SARDH: variants seen among roughly 807,000 people sequenced by gnomAD.
SARDH encodes the protein sarcosine dehydrogenase, mitochondrial.
In SARDH, 95 loss-of-function variants were observed where a neutral mutation model predicts 109.1. The ratio of observed to expected loss-of-function variants is 0.87; its 90% confidence interval spans 0.74 to 1.03. The LOEUF is 1.03. Among genes scored for constraint, SARDH ranks in the 50% least tolerant of loss-of-function variants. The pLI is 0.00. For synonymous variants in SARDH, 572 were observed against 534.8 expected (o/e 1.07, Z -0.96); for missense variants, 1,267 against 1,287.8 (o/e 0.98, Z 0.25).
At position 133,686,456 on chromosome 9, in the gene SARDH, G is replaced by A. The variant is rs1194385354; in HGVS notation, c.2070-1170C>T. ...CCCTCCCTGACTCCCTAGGTCTTGG[G>A]CAGGTACTCGTTGTCCAAGATCCCA... On this transcript the variant is annotated intron_variant, in intron 16 of 20. Coordinates refer to ENST00000439388, the MANE Select transcript of SARDH (RefSeq NM_001134707.2). This position sits in a 1 kb window ranked among gnomAD's most constrained non-coding sequence, Gnocchi z 4.0. Among the ~76,000 whole-genome samples, 1 of 152,026 alleles carries A rather than the reference G, an allele frequency of 6.6e-6. No individual in the cohort carries two copies. The highest frequency in any genetic ancestry group is 1.5e-5 in the Non-Finnish European group (1 of 67,986).
At chr9:133,668,047 C>T (rs1226653266) in intron 19 of SARDH, among the ~76,000 whole-genome samples, 9 of 151,958 alleles carry the variant, frequency 5.9e-5, no homozygotes, top group African/African-American at 1.5e-4. Flanking sequence ...AGGGGCCGTC[C>T]GAGGCCCTCC....
At position 133,730,174 on chromosome 9, in the gene SARDH, C is replaced by A. The variant is rs929532220; in HGVS notation, c.704G>T (p.Cys235Phe). The A allele has an allele frequency of 6.2e-7, 1 of 1,614,038 alleles. No individual in the cohort carries two copies. The highest frequency in any genetic ancestry group is 1.3e-5 in the African/African-American group (1 of 74,930). Residue 235 changes from cysteine to phenylalanine, a missense_variant, in exon 5 of 21, where the codon TGC becomes TTC. By Grantham distance (205) the Cys-to-Phe change is radical. Transcript: ENST00000439388. ...CCACACACGAATGCCGGTCACTGGG[C>A]AGTTCTCAATGACCTGGAATTGAGA... ...SARGAQVIEN[C>F]PVTGIRVWTD...
rs541431333 is a variant in SARDH, at chr9:133,693,368, C to A, written c.1921+890G>T. Among the ~76,000 whole-genome samples, 44 of 152,164 alleles carry A rather than the reference C, an allele frequency of 2.9e-4. No homozygotes were observed. The highest frequency in any genetic ancestry group is 5.4e-4 in the Non-Finnish European group (37 of 68,034). On this transcript the variant is annotated intron_variant, in intron 15 of 20. Transcript: ENST00000439388. The surrounding 1 kb of genome is among the most constrained non-coding windows in gnomAD (Gnocchi z 5.6). ...TGCCCAAGCTGGGGCTCGACACTGA[C>A]CGAGTCCCAGTGAGGAAACAACTAC... is the stretch of plus-strand genomic sequence containing the variant.
In SARDH at chr9:133,712,658, T is replaced by G. The variant is rs947096497; in HGVS notation, c.1289A>C (p.His430Pro). The G allele has an allele frequency of 6.2e-7, 1 of 1,610,480 alleles. No individual in the cohort carries two copies. Among genetic ancestry groups the G allele is most frequent in the Non-Finnish European group, 8.5e-7 (1 of 1,179,952 alleles). Residue 430 changes from histidine (H) to proline (P), a missense_variant, in exon 10 of 21, where the codon CAT (histidine) becomes CCT (proline). Transcript: ENST00000439388. This position sits in a 1 kb window ranked among gnomAD's most constrained non-coding sequence, Gnocchi z 4.1. ...CGQELAHWII[H>P]GRPEKDMHGY... is the part of the protein sequence containing the mutation. ...ATGCATGTCCTTCTCCGGGCGCCCATGGATGATCCAGTGGGCCAGCTCCTG... is the reference window on the plus strand; with the variant it reads ...ATGCATGTCCTTCTCCGGGCGCCCAGGGATGATCCAGTGGGCCAGCTCCTG...
Position 133,731,347 on chromosome 9 carries a change from G to A in SARDH, c.648C>T (p.Thr216=). The A allele has an allele frequency of 1.2e-6, 2 of 1,614,210 alleles. No homozygotes were observed. The highest frequency in any genetic ancestry group is 1.7e-6 in the Non-Finnish European group (2 of 1,180,032). Residue 216 remains threonine (T), a synonymous_variant, in exon 4 of 21, where the codon ACC becomes ACT. Transcript: ENST00000439388. ...AAGCTGCCCTGGCGAGGGTGGTACA[G>A]GTGCCAGCGGGGTCCATGGTACCGT... ...PHDGTMDPAG[T]CTTLARAASA... is the part of the protein sequence containing the mutation.
intron 4 of SARDH, 111 bp from the exon 5 acceptor site, chr9:133,730,298 G>A (rs1832632472): frequency 7.1e-6 from 10 of 1,409,236 alleles, no homozygotes; most frequent in Non-Finnish European, 9.6e-6. Context: ...CACTATTTCT[G>A]CCAGCAGCAG....
At chr9:133,734,412 T>TCATTCATTCAC (rs1832806615) in intron 1 of SARDH, among the ~76,000 whole-genome samples, 2 of 127,324 alleles carry the variant, frequency 1.6e-5, no homozygotes, top group Non-Finnish European at 3.1e-5. Flanking sequence ...CATTCACTCA[T>TCATTCATTCAC]TCATTCATTC....
At chr9:133,697,926 C>T (rs1831340719) in intron 13 of SARDH, among the ~76,000 whole-genome samples, 1 of 147,990 alleles carries the variant, frequency 6.8e-6, no homozygotes. Flanking sequence ...AAATAAAAGG[C>T]ATCCAGATCA....
intron 17 of SARDH, among the ~76,000 whole-genome samples, chr9:133,682,676 C>T (rs537299570): frequency 4.6e-4 from 65 of 142,170 alleles, no homozygotes; most frequent in African/African-American, 1.7e-3. Flanking sequence ...CTGCTAGAAG[C>T]GAGGTCTGCA....
chr9:133,691,511 G>A (rs928119432), intron 15 of SARDH, among the ~76,000 whole-genome samples: 2 of 152,108 alleles, frequency 1.3e-5, no homozygotes, highest in African/African-American at 2.4e-5. Context: ...CAGTGGGTGT[G>A]GGGGGAGCTG....
rs150731196 is a variant in SARDH, at chr9:133,663,931, C to T, written c.2715G>A (p.Ser905=). 4.4e-5 allele frequency: 71 copies of T among 1,614,126 alleles called. No homozygotes were observed. The highest frequency in any genetic ancestry group is 3.3e-4 in the Middle Eastern group (2 of 6,062). Residue 905 remains serine (S), a synonymous_variant, in exon 21 of 21, where the codon TCG becomes TCA. Coordinates refer to ENST00000439388, the MANE Select transcript of SARDH (RefSeq NM_001134707.2). The part of the protein sequence containing the change: ...VTYGAQAHLK[S]PFDPNNKRVK... ...CCCTCTTGTTGTTGGGGTCGAAGGG[C>T]GACTTCAGGTGAGCCTGGGCACCAT...
intron 17 of SARDH, among the ~76,000 whole-genome samples, chr9:133,673,814 G>T (rs1830429853): frequency 1.3e-5 from 2 of 152,168 alleles, no homozygotes; most frequent in Admixed American, 6.5e-5. Flanking sequence ...GTGCACCTAT[G>T]CACGGCCCTC....
chr9:133,697,132 A>G (rs1238128387), intron 13 of SARDH, among the ~76,000 whole-genome samples: 1 of 152,214 alleles, frequency 6.6e-6, no homozygotes, highest in Non-Finnish European at 1.5e-5. Flanking sequence ...TGCCTACCCC[A>G]CAGAAATAAA....
In SARDH at chr9:133,676,396, A is replaced by C. The variant is rs151011902; in HGVS notation, c.2164-4699T>G. On this transcript the variant is annotated intron_variant, in intron 17 of 20. Transcript: ENST00000439388. ...ATTGCCTCAATGGGGACAGAGCTTC[A>C]GTTTCACAAAATGAAGACATTCTGG... 1.6e-3 allele frequency among the ~76,000 whole-genome samples: 238 copies of C among 152,328 alleles called. 1 individual carries two copies. The highest frequency in any genetic ancestry group is 5.4e-3 in the African/African-American group (225 of 41,568).
chr9:133,705,047 G>A lies in SARDH; in HGVS notation c.1471-16C>T, dbSNP rs1306170653. 1.1e-5 allele frequency: 17 copies of A among 1,579,366 alleles called. No homozygotes were observed. The highest frequency in any genetic ancestry group is 1.5e-5 in the Non-Finnish European group (17 of 1,162,708). On this transcript the variant is annotated splice_polypyrimidine_tract_variant and intron_variant, in intron 11 of 20. Coordinates refer to ENST00000439388, the MANE Select transcript of SARDH (RefSeq NM_001134707.2). ...CAAGGAGTTCCTGAGCAGGAGTGGG[G>A]AACAGGCATCTGTCACGCATGGCCT...
intron 17 of SARDH, among the ~76,000 whole-genome samples, chr9:133,674,870 A>G (rs1194644847): frequency 6.6e-6 from 1 of 152,242 alleles, no homozygotes; most frequent in African/African-American, 2.4e-5. Context: ...CAAAAGTCAG[A>G]TGGAAGGACA....
At chr9:133,731,595 G>A in intron 3 of SARDH, 111 bp from the exon 4 acceptor site, 1 of 1,092,522 alleles carries the variant, frequency 9.2e-7, no homozygotes, top group East Asian at 2.5e-5. Context: ...TCTCCCAGAA[G>A]CCTTAGCCGG....
intron 6 of SARDH, among the ~76,000 whole-genome samples, chr9:133,720,926 C>A (rs1832302500): frequency 6.6e-6 from 1 of 152,006 alleles, no homozygotes; most frequent in Admixed American, 6.6e-5. Flanking sequence ...ATTTAAAATT[C>A]AATGGAAGGG....
intron 17 of SARDH, among the ~76,000 whole-genome samples, chr9:133,673,975 C>T (rs113495971): frequency 8.3e-4 from 127 of 152,260 alleles, no homozygotes; most frequent in African/African-American, 2.8e-3. Context: ...CTCCATTGTA[C>T]GCCGTGCACA....
Sources: allele counts gnomAD v4.1 joint callset (sites outside exome capture counted in the v4.1 genomes callset), GRCh38; gene constraint gnomAD v4.1.1; non-coding constraint Gnocchi (gnomAD v3.1); transcripts MANE v1.5; gene names NCBI Gene and HGNC (gene_info 2026-07-23, HGNC 2026-07-21).